FANK1: variants seen among roughly 807,000 people sequenced by gnomAD.
FANK1 encodes fibronectin type 3 and ankyrin repeat domains protein 1.
A neutral mutation model predicts 45.3 loss-of-function variants in FANK1; 44 were observed. The ratio of observed to expected loss-of-function variants is 0.97; its 90% CI spans 0.76 to 1.25. FANK1 has a LOEUF of 1.25. Ranked by LOEUF, FANK1 falls within the 50% of genes most tolerant of loss-of-function variation. The probability of loss-of-function intolerance (pLI) is 0.00; values close to 1 mark genes in which losing one functional copy is unlikely to be tolerated. For missense variants in FANK1, 391 were observed against 424.4 expected, an observed-to-expected ratio of 0.92 and a Z score of 0.69; for synonymous variants, 149 against 152.5, an observed-to-expected ratio of 0.98 and a Z score of 0.17.
chr10:126,008,551 G>A lies in FANK1; in HGVS notation c.849+1G>A. 2 of 1,604,834 alleles carry A rather than the reference G, an allele frequency of 1.2e-6. No individual in the cohort carries two copies. The highest frequency in any genetic ancestry group is 1.7e-6 in the Non-Finnish European group (2 of 1,177,196). On this transcript the variant is annotated splice_donor_variant, in intron 8 of 10. Transcript: ENST00000368693. LOFTEE classifies it high-confidence loss of function. The stretch of plus-strand genomic sequence containing the variant: ...CAGAAATGGAAAGACGCCCCTTATG[G>A]TAGGTCCTCCTCCCGAAAATAGGCA...
chr10:125,930,064 C>T (rs1010398031), intron 1 of FANK1, among the ~76,000 whole-genome samples: 1 of 151,868 alleles, frequency 6.6e-6, no homozygotes, highest in Non-Finnish European at 1.5e-5. Flanking sequence ...ACCATCTTTT[C>T]TTTTTTTTGT....
intron 1 of FANK1, among the ~76,000 whole-genome samples, chr10:125,955,011 C>T (rs1389211014): frequency 2.0e-5 from 3 of 151,930 alleles, no homozygotes; most frequent in Non-Finnish European, 4.4e-5. Flanking sequence ...TGCCGACACT[C>T]ATAACATTAG....
chr10:125,996,736 C>T (rs1952361224), intron 5 of FANK1, 112 bp downstream of exon 5: 1 of 958,854 alleles, frequency 1.0e-6, no homozygotes, highest in Non-Finnish European at 1.6e-6. Context: ...GGAACCGTTT[C>T]TTTTCTATCT....
At chr10:125,938,793 T>A (rs1187282624) in intron 1 of FANK1, among the ~76,000 whole-genome samples, 1 of 152,010 alleles carries the variant, frequency 6.6e-6, no homozygotes, top group Admixed American at 6.6e-5. Context: ...TGGGAGACAG[T>A]GACACTCTGT....
At chr10:125,954,571 G>T (rs1949454969) in intron 1 of FANK1, among the ~76,000 whole-genome samples, 1 of 138,034 alleles carries the variant, frequency 7.2e-6, no homozygotes, top group Non-Finnish European at 1.6e-5. Flanking sequence ...AATTTCAATA[G>T]TTCATGGATT....
chr10:125,945,912 G>A (rs1008752787), intron 1 of FANK1, among the ~76,000 whole-genome samples: 1 of 152,212 alleles, frequency 6.6e-6, no homozygotes, highest in Non-Finnish European at 1.5e-5. Context: ...CTGAGAACCG[G>A]CAGACTGCCT....
Position 125,955,655 on chromosome 10 carries a change from C to T in FANK1, c.14-24506C>T, listed in dbSNP as rs534675241. On this transcript the variant is annotated intron_variant, in intron 1 of 10. Transcript: ENST00000368693. The stretch of plus-strand genomic sequence containing the variant: ...GCCACCACACCCAGCTAACTTTTGT[C>T]GCAGCAGATTTTCGCCATGTTTCTC... Among the ~76,000 whole-genome samples, 8 of 152,140 alleles carry T rather than the reference C, an allele frequency of 5.3e-5. No homozygotes were observed. The East Asian group carries it at 5.8e-4, about 11-fold the overall frequency.
chr10:125,905,316 G>T (rs113939243), intron 1 of FANK1, among the ~76,000 whole-genome samples: 522 of 142,654 alleles, frequency 3.7e-3, no homozygotes, highest in African/African-American at 0.011. Context: ...AATTAAAAAA[G>T]AAATTCTGTA....
At chr10:125,929,871 A>T (rs1430472153) in intron 1 of FANK1, among the ~76,000 whole-genome samples, 2 of 152,166 alleles carry the variant, frequency 1.3e-5, no homozygotes, top group African/African-American at 2.4e-5. Flanking sequence ...AATGAAGAGG[A>T]TGAAGTAAAG....
In FANK1 at chr10:126,009,485, G is replaced by A. The variant is rs374001021; in HGVS notation, c.*47G>A. The A allele has an allele frequency of 1.6e-5, 26 of 1,595,388 alleles. No individual in the cohort carries two copies. Among genetic ancestry groups the A allele is most frequent in the African/African-American group, 1.3e-4 (10 of 74,288 alleles). On this transcript the variant is annotated 3_prime_UTR_variant, in exon 11 of 11. Transcript: ENST00000368693. Reference sequence around the variant, plus strand: ...AAACGCACGTAAAACAAAGTGAACCGTGACTGTTAAACTAGGGATGGGAAA... The same window carrying A: ...AAACGCACGTAAAACAAAGTGAACCATGACTGTTAAACTAGGGATGGGAAA...
intron 6 of FANK1, among the ~76,000 whole-genome samples, chr10:126,000,471 A>G (rs10901507): frequency 0.58 from 88,795 of 152,030 alleles, 27,388 homozygotes; most frequent in Non-Finnish European, 0.68. Flanking sequence ...ATATGATGAT[A>G]GAAGTAACAT....
chr10:126,001,553 A>G (rs773715684), intron 6 of FANK1, among the ~76,000 whole-genome samples: 11 of 152,186 alleles, frequency 7.2e-5, no homozygotes, highest in Non-Finnish European at 1.5e-4. Context: ...GGCTGTGCTC[A>G]GGAGTGTGCT....
At chr10:125,923,614 G>A (rs111336013) in intron 1 of FANK1, among the ~76,000 whole-genome samples, 1 of 151,638 alleles carries the variant, frequency 6.6e-6, no homozygotes, top group Non-Finnish European at 1.5e-5. Flanking sequence ...TGCAGCCTCC[G>A]CCTCCCAGGC....
In FANK1 at chr10:125,976,433, C is replaced by G. The variant is rs370143217; in HGVS notation, c.14-3728C>G. Reference sequence around the variant, plus strand: ...TCCAAGTTGTTTGCTTTCTCTCTCCCTTTCAGGGATGCCAGTGATTTGTAG... The same window carrying G: ...TCCAAGTTGTTTGCTTTCTCTCTCCGTTTCAGGGATGCCAGTGATTTGTAG... On this transcript the variant is annotated intron_variant, in intron 1 of 10. Transcript: ENST00000368693. Among the ~76,000 whole-genome samples, 18 of 152,324 alleles carry G rather than the reference C, an allele frequency of 1.2e-4. No homozygotes were observed. The East Asian group carries it at 1.4e-3, about 11-fold the overall frequency.
intron 1 of FANK1, among the ~76,000 whole-genome samples, chr10:125,907,080 A>G (rs1945587123): frequency 6.6e-6 from 1 of 152,252 alleles, no homozygotes; most frequent in Non-Finnish European, 1.5e-5. Flanking sequence ...TAAAGCCTTT[A>G]GCATTTAATA....
intron 1 of FANK1, among the ~76,000 whole-genome samples, chr10:125,936,729 G>T (rs1361512340): frequency 1.3e-5 from 2 of 152,048 alleles, no homozygotes; most frequent in Non-Finnish European, 1.5e-5. Context: ...ATTTATTCCA[G>T]TATTGATAAA....
At chr10:125,998,315 A>G (rs985232503) in intron 6 of FANK1, among the ~76,000 whole-genome samples, 22 of 152,370 alleles carry the variant, frequency 1.4e-4, no homozygotes, top group African/African-American at 4.8e-4. Context: ...TCAAATCAGA[A>G]GGCCTATCTT....
At chr10:125,960,561 C>A (rs551753517) in intron 1 of FANK1, among the ~76,000 whole-genome samples, 36 of 152,348 alleles carry the variant, frequency 2.4e-4, no homozygotes, top group African/African-American at 8.2e-4. Flanking sequence ...GAATCTCGCT[C>A]TGTTGCCCAG....
chr10:125,994,118 G>T (rs2134217077), intron 3 of FANK1, among the ~76,000 whole-genome samples: 1 of 151,940 alleles, frequency 6.6e-6, no homozygotes, highest in Admixed American at 6.6e-5. Flanking sequence ...GACCATAAGA[G>T]GGAGGGTGGG....
Sources: gnomAD v4.1 joint callset for allele counts (sites outside exome capture counted in the v4.1 genomes callset) on GRCh38, gnomAD v4.1.1 for gene constraint, MANE v1.5 for transcripts, NCBI Gene and HGNC (gene_info 2026-07-23, HGNC 2026-07-21) for gene names.